ABLIM2: variants seen among roughly 807,000 people sequenced by gnomAD.
ABLIM2 encodes the protein actin-binding LIM protein 2.
In ABLIM2, 53 loss-of-function variants were observed where a neutral mutation model predicts 97.7. That is an observed-to-expected ratio of 0.54 (90% CI 0.44 to 0.68). The LOEUF is 0.68. ABLIM2 is among the 30% of genes least tolerant of loss of function. The pLI is 0.00. For missense variants in ABLIM2, 835 were observed against 867.2 expected (o/e 0.96, Z 0.47); for synonymous variants, 361 against 345.8 (o/e 1.04, Z -0.49).
rs570874083 is a variant in ABLIM2 at position 8,029,662 on chromosome 4, G to A, written c.1162C>T (p.Arg388Cys). ...PTSRSPQHYS[R>C]PAGTVSVGTS... ...GAACCAGGGGGCCAAGTACCTGGAC[G>A]GCTGTAGTGCTGTGGTGACCGTGAG... Residue 388 changes from arginine to cysteine, a missense_variant, in exon 11 of 21, where the codon CGT becomes TGT. By Grantham distance (180) the Arg-to-Cys change is radical. Transcript: ENST00000447017. 23 of 1,539,700 alleles carry A rather than the reference G, an allele frequency of 1.5e-5. No individual in the cohort carries two copies. Among genetic ancestry groups the A allele is most frequent in the South Asian group, 3.6e-5 (3 of 83,028 alleles).
At chr4:8,030,291 C>T (rs1226579323) in intron 10 of ABLIM2, among the ~76,000 whole-genome samples, 1 of 152,162 alleles carries the variant, frequency 6.6e-6, no homozygotes, top group Non-Finnish European at 1.5e-5. Context: ...TGGCAGACTT[C>T]ATCCAAGCAG....
chr4:8,126,995 G>A (rs775563457), intron 1 of ABLIM2, among the ~76,000 whole-genome samples: 7 of 151,858 alleles, frequency 4.6e-5, no homozygotes, highest in Non-Finnish European at 7.4e-5. Context: ...GAGCTCAGGA[G>A]GTTGAGGCTG....
At chr4:8,020,109 C>A in intron 13 of ABLIM2, 93 bp downstream of exon 13, 1 of 1,194,528 alleles carries the variant, frequency 8.4e-7, no homozygotes. Flanking sequence ...CTGGCGCCTG[C>A]TGAGTCAAGG....
In ABLIM2 at chr4:8,020,311, C is replaced by T. The variant is rs200662011; in HGVS notation, c.1268-8G>A. 432 of 1,612,206 alleles carry T rather than the reference C, an allele frequency of 2.7e-4. 2 individuals carry two copies. The African/African-American group carries it at 3.5e-3, about 13-fold the overall frequency. ...TCCGGCCACTTTCACTGCCTCCAGA[C>T]GGAAGGGCAAAGGCAGCAGATAGAA... On this transcript the variant is annotated splice_region_variant and splice_polypyrimidine_tract_variant and intron_variant, in intron 12 of 20. Transcript: ENST00000447017.
At chr4:8,051,529 A>G (rs796397475) in intron 8 of ABLIM2, among the ~76,000 whole-genome samples, 36 of 144,154 alleles carry the variant, frequency 2.5e-4, no homozygotes, top group African/African-American at 9.5e-4. Context: ...TGGCCACTGC[A>G]CTCCAGCCTG....
chr4:8,063,707 C>T (rs748391905), intron 6 of ABLIM2, among the ~76,000 whole-genome samples: 1 of 152,256 alleles, frequency 6.6e-6, no homozygotes, highest in South Asian at 2.1e-4. Context: ...GTGTGCACCC[C>T]CTGCTCACAT....
At chr4:7,980,941 A>ATC (rs1483414043) in intron 20 of ABLIM2, among the ~76,000 whole-genome samples, 1,109 of 82,970 alleles carry the variant, frequency 0.013, 93 homozygotes, top group African/African-American at 0.058. Flanking sequence ...ACAACCCCTT[A>ATC]TTTTTTTTTT....
intron 20 of ABLIM2, among the ~76,000 whole-genome samples, chr4:7,978,226 G>C (rs765594702): frequency 6.6e-6 from 1 of 152,116 alleles, no homozygotes; most frequent in African/African-American, 2.4e-5. Context: ...ACAGGCAGCC[G>C]CTGCTGAGAA....
At position 8,045,108 on chromosome 4, in the gene ABLIM2, C is replaced by T. The variant is rs368270624; in HGVS notation, c.900+56G>A. On this transcript the variant is annotated intron_variant, in intron 9 of 20. Coordinates refer to ENST00000447017, the MANE Select transcript of ABLIM2 (RefSeq NM_001130083.2). ...GGTGGGCTTAGCCACGGCCACCGGG[C>T]CCCCCTTCTCTCTCCACCCTCCCAC... 1.6e-4 allele frequency: 237 copies of T among 1,520,660 alleles called. No homozygotes were observed. In the African/African-American group the frequency reaches 2.6e-3, roughly 17 times the overall value. 94.2% of individuals were successfully genotyped at this position (1,520,660 alleles called of 1,614,324 possible). A position where few individuals can be genotyped will look rare whatever the true frequency, so the allele number is the denominator to read the frequency against.
At position 8,125,108 on chromosome 4, in the gene ABLIM2, C is replaced by T. The variant is rs147097218; in HGVS notation, c.11-18471G>A. On this transcript the variant is annotated intron_variant, in intron 1 of 20. Coordinates refer to ENST00000447017, the MANE Select transcript of ABLIM2 (RefSeq NM_001130083.2). This position sits in a 1 kb window ranked among gnomAD's most constrained non-coding sequence, Gnocchi z 6.2. ...GAGGGATGAGAGTTATTCGTATATT[C>T]GAGATACAAGTCCCGTGTCAGCTTG... Among the ~76,000 whole-genome samples the T allele has an allele frequency of 2.2e-4, 34 of 152,268 alleles. No individual in the cohort carries two copies. The East Asian group carries it at 4.4e-3, about 20-fold the overall frequency.
rs548904476 is a variant in ABLIM2, at chr4:8,088,983, T to C, written c.339-699A>G. Among the ~76,000 whole-genome samples the C allele has an allele frequency of 5.9e-5, 9 of 152,382 alleles. No homozygotes were observed. The East Asian group carries it at 1.5e-3, about 26-fold the overall frequency. On this transcript the variant is annotated intron_variant, in intron 3 of 20. Transcript: ENST00000447017. ...GCACACCTCGTAGACAGGAAGATGC[T>C]GGACAATCGGATCCTGTCTTTATTT... is the stretch of plus-strand genomic sequence containing the variant.
At chr4:8,084,134 A>T (rs1317159064) in intron 4 of ABLIM2, among the ~76,000 whole-genome samples, 1 of 152,214 alleles carries the variant, frequency 6.6e-6, no homozygotes, top group African/African-American at 2.4e-5. Context: ...GTGATTGAAA[A>T]TCCACGAACT....
chr4:8,152,873 C>T (rs529469387), intron 1 of ABLIM2, among the ~76,000 whole-genome samples: 1 of 152,310 alleles, frequency 6.6e-6, no homozygotes, highest in East Asian at 1.9e-4. Flanking sequence ...GAAAGAAGGA[C>T]ACAGAGGTCT....
rs1489125308 is a variant in ABLIM2, at chr4:8,122,579, A to T, written c.11-15942T>A. 6.6e-6 allele frequency among the ~76,000 whole-genome samples: 1 copy of T among 151,746 alleles called. No individual in the cohort carries two copies. The highest frequency in any genetic ancestry group is 1.5e-5 in the Non-Finnish European group (1 of 67,912). The stretch of plus-strand genomic sequence containing the variant: ...ACCCCACCCTCACGACCTCATCTAA[A>T]CCCCATCACCTCCCCAAGGCCCCTC... On this transcript the variant is annotated intron_variant, in intron 1 of 20. Transcript: ENST00000447017. This position sits in a 1 kb window ranked among gnomAD's most constrained non-coding sequence, Gnocchi z 4.1.
At chr4:7,987,496 C>T (rs547741556) in intron 17 of ABLIM2, among the ~76,000 whole-genome samples, 1 of 152,178 alleles carries the variant, frequency 6.6e-6, no homozygotes, top group South Asian at 2.1e-4. Context: ...TCAGGGAACC[C>T]CCAGTATAAA....
rs949761106 is a variant in ABLIM2 at position 8,054,858 on chromosome 4, G to C, written c.764-612C>G. ...AAGGCTCAAACACCAGCCCCACCCTGTTACTAATTTACTCAGTCTCTGTGG... is the reference window on the plus strand; with the variant it reads ...AAGGCTCAAACACCAGCCCCACCCTCTTACTAATTTACTCAGTCTCTGTGG... On this transcript the variant is annotated intron_variant, in intron 7 of 20. Coordinates refer to ENST00000447017, the MANE Select transcript of ABLIM2 (RefSeq NM_001130083.2). The surrounding 1 kb of genome is among the most constrained non-coding windows in gnomAD (Gnocchi z 4.9). Among the ~76,000 whole-genome samples the C allele has an allele frequency of 1.3e-5, 2 of 152,070 alleles. No individual in the cohort carries two copies. The highest frequency in any genetic ancestry group is 6.5e-5 in the Admixed American group (1 of 15,270).
rs373349844 is a variant in ABLIM2, at chr4:8,019,620, T to A, written c.1421A>T (p.His474Leu). The change falls in exon 14 of 21, where the codon CAT (histidine) becomes CTT (leucine). Residue 474 changes from histidine (H) to leucine (L), a missense_variant and splice_region_variant. Transcript: ENST00000447017. This position sits in a 1 kb window ranked among gnomAD's most constrained non-coding sequence, Gnocchi z 4.3. ...IYRKPPIYRQ[H>L]AARRSDGEDG... ...CAGCGGGAGGAATCCAACCGTACCATGCTGTCTGTAGATAGGGGGTTTCCT... is the reference window on the plus strand; with the variant it reads ...CAGCGGGAGGAATCCAACCGTACCAAGCTGTCTGTAGATAGGGGGTTTCCT... The A allele has an allele frequency of 1.9e-6, 3 of 1,611,468 alleles. No individual in the cohort carries two copies. The highest frequency in any genetic ancestry group is 4.5e-5 in the East Asian group (2 of 44,802).
intron 20 of ABLIM2, among the ~76,000 whole-genome samples, chr4:7,969,952 G>T (rs899044974): frequency 6.6e-6 from 1 of 152,204 alleles, no homozygotes; most frequent in African/African-American, 2.4e-5. Context: ...TGTCATTTCA[G>T]ACCGCGTCTC....
rs1800571064 is a variant in ABLIM2, at chr4:8,058,189, G to A, written c.763+2778C>T. 6.6e-6 allele frequency among the ~76,000 whole-genome samples: 1 copy of A among 152,256 alleles called. No homozygotes were observed. ...CCACCGTGCCCCACTGTCTAAGGGT[G>A]CCCTTTACTGTGGGGGCCAAACCCC... is the stretch of plus-strand genomic sequence containing the variant. On this transcript the variant is annotated intron_variant, in intron 7 of 20. Coordinates refer to ENST00000447017, the MANE Select transcript of ABLIM2 (RefSeq NM_001130083.2). This position sits in a 1 kb window ranked among gnomAD's most constrained non-coding sequence, Gnocchi z 4.2.
Sources: gnomAD v4.1 joint callset for allele counts (sites outside exome capture counted in the v4.1 genomes callset) on GRCh38, gnomAD v4.1.1 for gene constraint, Gnocchi (gnomAD v3.1) non-coding constraint, MANE v1.5 for transcripts, NCBI Gene and HGNC (gene_info 2026-07-23, HGNC 2026-07-21) for gene names.